The following NHSL1 variants were observed in gnomAD, a reference collection of about 807,000 sequenced individuals.
NHSL1 encodes NHS like 1, also known as NHS-like protein 1.
Under a neutral mutation model 95.0 loss-of-function variants are expected in NHSL1, and 48 were observed. The observed-to-expected ratio is 0.51, with a 90% CI of 0.40 to 0.64. The LOEUF (loss-of-function observed/expected upper bound fraction) is 0.64. NHSL1 is among the 30% of genes least tolerant of loss of function. The pLI is 0.00. For synonymous variants in NHSL1, 783 were observed against 833.9 expected, an observed-to-expected ratio of 0.94 and a Z score of 1.05; for missense variants, 1,971 against 2,077.7, an observed-to-expected ratio of 0.95 and a Z score of 1.00.
chr6:138,453,256 G>A (rs1371556345), intron 3 of NHSL1, among the ~76,000 whole-genome samples: 1 of 152,154 alleles, frequency 6.6e-6, no homozygotes, highest in Admixed American at 6.5e-5. Context: ...TTACAAGCGT[G>A]AGCCACCATG....
At chr6:138,554,770 A>G (rs1449254256) in intron 1 of NHSL1, among the ~76,000 whole-genome samples, 3 of 152,236 alleles carry the variant, frequency 2.0e-5, no homozygotes, top group African/African-American at 7.2e-5. Context: ...ATTTCTATAA[A>G]AAGGTAGTTT....
At position 138,557,675 on chromosome 6, in the gene NHSL1, TTTGA is replaced by T. The variant is rs1783244341; in HGVS notation, c.202+14031_202+14034del. Among the ~76,000 whole-genome samples the T allele has an allele frequency of 2.6e-5, 4 of 152,348 alleles. No individual in the cohort carries two copies. In the South Asian group the frequency reaches 8.3e-4, roughly 32 times the overall value. On this transcript the variant is annotated intron_variant, in intron 1 of 6. Transcript: ENST00000427025. ...ATTAAAACGAGGTTAAATTGTACTC[TTTGA>T]TTGAGCAGAGTTGTTGAAGTGTCAT...
chr6:138,553,426 G>C (rs567171466), intron 1 of NHSL1, among the ~76,000 whole-genome samples: 1 of 152,258 alleles, frequency 6.6e-6, no homozygotes, highest in South Asian at 2.1e-4. Flanking sequence ...TGGCTGGCAT[G>C]GTATTACAAT....
At chr6:138,587,475 C>T (rs1039512263) in intron 1 of NHSL1, among the ~76,000 whole-genome samples, 3 of 134,630 alleles carry the variant, frequency 2.2e-5, no homozygotes, top group Admixed American at 8.1e-5. Flanking sequence ...CCCAGCTACT[C>T]GGGAGGGCAT....
At chr6:138,605,446 C>T (rs959494922) in intron 1 of NHSL1, among the ~76,000 whole-genome samples, 4 of 152,146 alleles carry the variant, frequency 2.6e-5, no homozygotes, top group African/African-American at 9.7e-5. Flanking sequence ...TATAAACTCT[C>T]ACATTCTCAC....
Position 138,601,585 on chromosome 6 carries a change from G to A in NHSL1, c.96+90891C>T, listed in dbSNP as rs191933942. Among the ~76,000 whole-genome samples the A allele has an allele frequency of 2.1e-3, 313 of 152,164 alleles. 3 individuals carry two copies. The highest frequency in any genetic ancestry group is 0.014 in the East Asian group (72 of 5,186). On this transcript the variant is annotated intron_variant, in intron 1 of 3. Transcript: ENST00000491526. ...TCCCAGCACTCTCGGAGGCCGAGGCGGGCGGATCACAAGGTCAAGAGATCA... is the reference window on the plus strand; with the variant it reads ...TCCCAGCACTCTCGGAGGCCGAGGCAGGCGGATCACAAGGTCAAGAGATCA...
At chr6:138,573,534 G>T (rs965996808), upstream of NHSL1, among the ~76,000 whole-genome samples, 1 of 152,180 alleles carries the variant, frequency 6.6e-6, no homozygotes, top group Non-Finnish European at 1.5e-5. Flanking sequence ...ATTTTAAGAA[G>T]AAGGCTCTAC....
intron 2 of NHSL1, among the ~76,000 whole-genome samples, chr6:138,483,607 G>A (rs1387904020): frequency 3.3e-5 from 5 of 152,140 alleles, no homozygotes; most frequent in Non-Finnish European, 7.4e-5. Context: ...TCACCTGATG[G>A]TGACCTCCAC....
intron 1 of NHSL1, among the ~76,000 whole-genome samples, chr6:138,661,757 G>A (rs577996310): frequency 1.3e-5 from 2 of 152,206 alleles, no homozygotes; most frequent in African/African-American, 2.4e-5. Flanking sequence ...ATCTAAGCAG[G>A]AAAAAGATTC....
intron 1 of NHSL1, among the ~76,000 whole-genome samples, chr6:138,588,269 C>A (rs1416868551): frequency 6.6e-6 from 1 of 152,154 alleles, no homozygotes; most frequent in Non-Finnish European, 1.5e-5. Context: ...TCAAGACCAG[C>A]CTGGGCAACA....
At chr6:138,505,460 C>T (rs902947448) in intron 1 of NHSL1, among the ~76,000 whole-genome samples, 14 of 151,912 alleles carry the variant, frequency 9.2e-5, no homozygotes, top group Non-Finnish European at 2.9e-5. Flanking sequence ...TCGAGACCAT[C>T]CTAGCTAAAA....
chr6:138,435,837 G>A (rs962272306), intron 5 of NHSL1, among the ~76,000 whole-genome samples: 9 of 151,476 alleles, frequency 5.9e-5, no homozygotes, highest in Non-Finnish European at 4.4e-5. Context: ...TGTGTGTCAC[G>A]TTTTGGTAAT....
intron 4 of NHSL1, among the ~76,000 whole-genome samples, chr6:138,445,771 G>A (rs1025987441): frequency 6.6e-6 from 1 of 152,144 alleles, no homozygotes; most frequent in Non-Finnish European, 1.5e-5. Context: ...AGGATGCTAT[G>A]GGTTTCCAGA....
chr6:138,503,482 A>G (rs1214435032), upstream of NHSL1, among the ~76,000 whole-genome samples: 1 of 152,230 alleles, frequency 6.6e-6, no homozygotes, highest in East Asian at 1.9e-4. Context: ...TGAAAAGTAC[A>G]TGAAATTCAA....
intron 1 of NHSL1, among the ~76,000 whole-genome samples, chr6:138,681,505 C>A (rs1401327807): frequency 2.6e-5 from 4 of 152,198 alleles, no homozygotes; most frequent in Admixed American, 6.5e-5. Context: ...TGGAGTCAGG[C>A]TGCCTGGAGC....
At chr6:138,608,828 C>G (rs774134559) in intron 1 of NHSL1, among the ~76,000 whole-genome samples, 62 of 152,166 alleles carry the variant, frequency 4.1e-4, no homozygotes, top group Non-Finnish European at 7.5e-4. Flanking sequence ...AGATTGAGAC[C>G]ATCCCTCCCT....
intron 1 of NHSL1, among the ~76,000 whole-genome samples, chr6:138,611,638 C>T (rs1387063778): frequency 2.0e-5 from 3 of 151,948 alleles, no homozygotes; most frequent in Admixed American, 1.3e-4. Flanking sequence ...CCCAGCCACT[C>T]GGGAGGCTGA....
chr6:138,660,276 TG>T (rs1785210127), intron 1 of NHSL1, among the ~76,000 whole-genome samples: 1 of 152,200 alleles, frequency 6.6e-6, no homozygotes, highest in Non-Finnish European at 1.5e-5. Context: ...TTAACTGAGC[TG>T]TGTTGAAACA....
chr6:138,551,939 C>A (rs1783020002), intron 1 of NHSL1, among the ~76,000 whole-genome samples: 1 of 152,178 alleles, frequency 6.6e-6, no homozygotes, highest in Admixed American at 6.5e-5. Flanking sequence ...TTTGCATTTT[C>A]TTTTAGGAAA....
Sources: gnomAD v4.1 joint callset for allele counts (sites outside exome capture counted in the v4.1 genomes callset) on GRCh38, gnomAD v4.1.1 for gene constraint, MANE v1.5 for transcripts, NCBI Gene and HGNC (gene_info 2026-07-23, HGNC 2026-07-21) for gene names.